Variants in AFAP1 observed in about 807,000 individuals in gnomAD.
AFAP1 encodes the protein actin filament-associated protein 1.
Under a neutral mutation model 93.9 loss-of-function variants are expected in AFAP1, and 75 were observed. The ratio of observed to expected loss-of-function variants is 0.80; its 90% confidence interval spans 0.66 to 0.97. The LOEUF is 0.97. AFAP1 is among the 50% of genes least tolerant of loss of function. The pLI, the probability that AFAP1 is intolerant of heterozygous loss-of-function variation, is 0.00. For missense variants in AFAP1, 1,201 were observed against 1,050.8 expected (o/e 1.14, Z -1.98); for synonymous variants, 517 against 430.7 (o/e 1.20, Z -2.48).
chr4:7,842,813 T>C (rs1335624555), intron 5 of AFAP1: 1 of 262,276 alleles, frequency 3.8e-6, no homozygotes, highest in Non-Finnish European at 7.3e-6. Flanking sequence ...AATGAGAAAA[T>C]CCATCTTGCA....
chr4:7,892,306 C>T (rs1398329226), intron 1 of AFAP1, among the ~76,000 whole-genome samples: 1 of 152,156 alleles, frequency 6.6e-6, no homozygotes, highest in South Asian at 2.1e-4. Flanking sequence ...CTGCCAACTG[C>T]CCCATCAGAA....
At chr4:7,809,409 A>G (rs1719815192) in intron 9 of AFAP1, 1 of 476,882 alleles carries the variant, frequency 2.1e-6, no homozygotes, top group East Asian at 3.7e-5. Flanking sequence ...CTTAGAGATC[A>G]TCTAAAAGGC....
At position 7,793,756 on chromosome 4, in the gene AFAP1, G is replaced by A. The variant is rs542235610; in HGVS notation, c.1337C>T (p.Pro446Leu). 1.8e-5 allele frequency: 29 copies of A among 1,578,056 alleles called. No homozygotes were observed. Among genetic ancestry groups the A allele is most frequent in the African/African-American group, 4.0e-5 (3 of 74,666 alleles). Residue 446 changes from proline to leucine, a missense_variant, in exon 11 of 18, where the codon CCG becomes CTG. Coordinates refer to ENST00000420658, the MANE Select transcript of AFAP1 (RefSeq NM_001134647.2). ...AATGTAGTCATAGTGCAGAGCCTCC[G>A]GGTCTGTGGACGATCCCGTCTCTGC... ...LLAETGSSTD[P>L]EALHYDYIDV...
chr4:7,762,271 T>C lies in AFAP1; in HGVS notation c.*1494A>G, dbSNP rs1346393243. ...GAAACCCAAGGAGTCAGTCAGTGTT[T>C]TCCCGCCATCTCTTCCTCTGTGTGA... On this transcript the variant is annotated 3_prime_UTR_variant, in exon 18 of 18. Coordinates refer to ENST00000420658, the MANE Select transcript of AFAP1 (RefSeq NM_001134647.2). The C allele has an allele frequency of 6.6e-6, 1 of 152,248 alleles. No individual in the cohort carries two copies. Among genetic ancestry groups the C allele is most frequent in the Non-Finnish European group, 1.5e-5 (1 of 68,066 alleles). The allele number at this position is 152,248 out of a possible 1,614,324, so 9.4% of individuals were successfully genotyped here.
intron 1 of AFAP1, among the ~76,000 whole-genome samples, chr4:7,906,953 G>A (rs1719439622): frequency 6.6e-6 from 1 of 150,582 alleles, no homozygotes; most frequent in Non-Finnish European, 1.5e-5. Flanking sequence ...AGTGAGCTGA[G>A]GTCGCGCCAC....
At chr4:7,898,522 A>G (rs932350701) in intron 1 of AFAP1, among the ~76,000 whole-genome samples, 8 of 152,100 alleles carry the variant, frequency 5.3e-5, no homozygotes, top group African/African-American at 1.9e-4. Context: ...ATATCCACAG[A>G]AAGAGAAAGT....
At chr4:7,789,505 G>A (rs1717638322) in intron 11 of AFAP1, among the ~76,000 whole-genome samples, 1 of 130,564 alleles carries the variant, frequency 7.7e-6, no homozygotes, top group African/African-American at 3.4e-5. Flanking sequence ...CCCCATCCGT[G>A]CATCTCCCCA....
At chr4:7,916,689 G>A (rs914606025) in intron 1 of AFAP1, among the ~76,000 whole-genome samples, 2 of 152,134 alleles carry the variant, frequency 1.3e-5, no homozygotes, top group South Asian at 2.1e-4. Context: ...GGCTGCTCAG[G>A]TGAGCCATGA....
At chr4:7,907,921 C>A (rs1719509489) in intron 1 of AFAP1, among the ~76,000 whole-genome samples, 1 of 152,150 alleles carries the variant, frequency 6.6e-6, no homozygotes, top group Non-Finnish European at 1.5e-5. Context: ...GTGCTACCCA[C>A]AGATATTTAA....
intron 11 of AFAP1, 83 bp downstream of exon 11, chr4:7,793,598 T>C (rs912686074): frequency 1.5e-5 from 20 of 1,336,954 alleles, no homozygotes; most frequent in Middle Eastern, 4.6e-4. Context: ...GTCTATATCC[T>C]CACACAAAAA....
intron 3 of AFAP1, among the ~76,000 whole-genome samples, chr4:7,860,796 C>A (rs774690534): frequency 6.6e-6 from 1 of 152,166 alleles, no homozygotes; most frequent in Non-Finnish European, 1.5e-5. Flanking sequence ...CAAGACTGCA[C>A]GGGTCCAGAC....
At chr4:7,813,418 T>G (rs899799569) in intron 8 of AFAP1, among the ~76,000 whole-genome samples, 19 of 152,200 alleles carry the variant, frequency 1.2e-4, no homozygotes, top group Admixed American at 4.6e-4. Context: ...GCATAGAAGG[T>G]TGTTCTTGTT....
chr4:7,936,582 A>ATTT lies in AFAP1; in HGVS notation c.-3+3071_-3+3073dup, dbSNP rs56364092. ...GTGATGCAATTTTTTACAAGCGGTAATTTTTTTTTTTTTTTTTGAGATGGA... is the reference window on the plus strand; with the variant it reads ...GTGATGCAATTTTTTACAAGCGGTAATTTTTTTTTTTTTTTTTTTTGAGATGGA... On this transcript the variant is annotated intron_variant, in intron 1 of 17. Transcript: ENST00000420658. 9.6e-4 allele frequency among the ~76,000 whole-genome samples: 130 copies of ATTT among 135,530 alleles called. 2 individuals are homozygous for ATTT. The highest frequency in any genetic ancestry group is 2.3e-3 in the South Asian group (10 of 4,272). The allele number at this position is 135,530 out of a possible 152,430, so 88.9% of individuals were successfully genotyped here.
intron 1 of AFAP1, among the ~76,000 whole-genome samples, chr4:7,893,090 C>CAG (rs35713661): frequency 0.11 from 16,052 of 151,956 alleles, 1,048 homozygotes; most frequent in Non-Finnish European, 0.15. Flanking sequence ...GCCCCGGTGC[C>CAG]GGGGGGGCAG....
intron 5 of AFAP1, 23 bp downstream of exon 5, chr4:7,843,116 G>A: frequency 1.2e-6 from 2 of 1,609,640 alleles, no homozygotes. Flanking sequence ...TACAAAAAAT[G>A]CAAGCGATTC....
At chr4:7,848,183 GAGGA>G (rs71175432) in intron 4 of AFAP1, among the ~76,000 whole-genome samples, 11,263 of 62,906 alleles carry the variant, frequency 0.18, 947 homozygotes, top group Non-Finnish European at 0.28. Context: ...GGGAGGGAGG[GAGGA>G]AGGAAGGAAG....
intron 1 of AFAP1, among the ~76,000 whole-genome samples, chr4:7,872,572 G>T (rs981928397): frequency 6.6e-6 from 1 of 152,190 alleles, no homozygotes; most frequent in African/African-American, 2.4e-5. Flanking sequence ...CAGATGCCGA[G>T]GCTGGTGTAA....
At chr4:7,902,436 TAGAC>T (rs1294230935) in intron 1 of AFAP1, among the ~76,000 whole-genome samples, 3 of 152,206 alleles carry the variant, frequency 2.0e-5, no homozygotes, top group Non-Finnish European at 4.4e-5. Flanking sequence ...AGTGGTCCCT[TAGAC>T]AGGAAGCTAA....
intron 17 of AFAP1, among the ~76,000 whole-genome samples, chr4:7,764,227 G>A (rs1376528708): frequency 6.6e-6 from 1 of 152,218 alleles, no homozygotes; most frequent in Non-Finnish European, 1.5e-5. Context: ...TTATGTGAGG[G>A]ACCTGGAGAA....
Sources: gnomAD v4.1 joint callset for allele counts (sites outside exome capture counted in the v4.1 genomes callset) on GRCh38, gnomAD v4.1.1 for gene constraint, MANE v1.5 for transcripts, NCBI Gene and HGNC (gene_info 2026-07-23, HGNC 2026-07-21) for gene names.